ZNF600: variants seen among roughly 807,000 people sequenced by gnomAD.
ZNF600 encodes zinc finger protein KR-ZNF1.
In ZNF600, 4 loss-of-function variants were observed where a neutral mutation model predicts 7.3. The ratio of observed to expected loss-of-function variants is 0.55; its 90% confidence interval spans 0.27 to 1.25. ZNF600 has a LOEUF of 1.25. ZNF600 is among the 50% of genes most tolerant of loss of function. ZNF600 has a pLI of 0.12. For missense variants in ZNF600, 911 were observed against 922.1 expected, an observed-to-expected ratio of 0.99 and a Z score of 0.16; for synonymous variants, 290 against 308.9, an observed-to-expected ratio of 0.94 and a Z score of 0.64.
upstream of ZNF600, among the ~76,000 whole-genome samples, chr19:52,789,877 G>A (rs1225052595): frequency 6.6e-6 from 1 of 152,176 alleles, no homozygotes; most frequent in African/African-American, 2.4e-5. Context: ...GAGAGTCAGT[G>A]AAGGGAGATA....
chr19:52,778,626 A>G (rs2062695439), intron 2 of ZNF600, among the ~76,000 whole-genome samples, 200 bp downstream of exon 4: 1 of 152,104 alleles, frequency 6.6e-6, no homozygotes, highest in Non-Finnish European at 1.5e-5. Context: ...TGCCCAGTGG[A>G]GCTTCTTCCC....
At chr19:52,766,785 T>A in exon 4 of ZNF600, 2 of 1,614,142 alleles carry the variant, frequency 1.2e-6, no homozygotes, top group Non-Finnish European at 1.7e-6. Flanking sequence ...CTCTCCAGTA[T>A]GAATTCTCTT....
At chr19:52,787,122 C>T (rs578147023), upstream of ZNF600, among the ~76,000 whole-genome samples, 53 of 152,366 alleles carry the variant, frequency 3.5e-4, no homozygotes, top group East Asian at 7.7e-4. Context: ...TCTCCATTCA[C>T]TCAGGAGGGA....
chr19:52,781,011 TGAG>T (rs1422695416), intron 1 of ZNF600: 8 of 152,232 alleles, frequency 5.3e-5, no homozygotes, highest in African/African-American at 9.7e-5. Flanking sequence ...AGGAGACAGC[TGAG>T]GAGACAACTG....
At chr19:52,827,797 A>G in the ZNF600 span, among the ~76,000 whole-genome samples, 6 of 152,008 alleles carry the variant, frequency 3.9e-5, no homozygotes, top group Non-Finnish European at 7.4e-5. Context: ...CACCCGCCTC[A>G]GCCTCCCAAA....
the ZNF600 span, chr19:52,801,684 A>G: frequency 6.8e-6 from 11 of 1,611,454 alleles, no homozygotes; most frequent in Admixed American, 6.7e-5. Context: ...TGTCTTCATC[A>G]TGCATTTGGA....
the ZNF600 span, among the ~76,000 whole-genome samples, chr19:52,815,483 C>T: frequency 8.9e-5 from 13 of 145,358 alleles, 1 homozygote; most frequent in African/African-American, 3.2e-4. Context: ...TGCCATAATA[C>T]TCCAGTCTGG....
chr19:52,809,852 C>CA, the ZNF600 span: 1 of 614,560 alleles, frequency 1.6e-6, no homozygotes, highest in Admixed American at 3.0e-5. Flanking sequence ...GCGGTGGTGG[C>CA]AGTAGCACTG....
upstream of ZNF600, among the ~76,000 whole-genome samples, chr19:52,788,978 C>T (rs555805649): frequency 6.6e-6 from 1 of 152,168 alleles, no homozygotes; most frequent in Non-Finnish European, 1.5e-5. Flanking sequence ...CTCTGCTCTC[C>T]GCTTGGGGAC....
chr19:52,822,664 C>G, the ZNF600 span, among the ~76,000 whole-genome samples: 2 of 152,152 alleles, frequency 1.3e-5, no homozygotes, highest in African/African-American at 4.8e-5. Context: ...CTTGGTCGCA[C>G]ATAGTTCATC....
In ZNF600 at chr19:52,775,102, T is replaced by C. The variant is rs151172729; in HGVS notation, c.64-401A>G. 2.8e-4 allele frequency among the ~76,000 whole-genome samples: 43 copies of C among 152,188 alleles called. 2 individuals are homozygous for C. The East Asian group carries it at 6.8e-3, about 24-fold the overall frequency. ...TAAAAATATAAAAATTTGTCAGGCA[T>C]GGTGGCAGGCACCTGTAATCCCAGC... is the stretch of plus-strand genomic sequence containing the variant. On this transcript the variant is annotated intron_variant, in intron 2 of 3. Transcript: ENST00000648973.
chr19:52,770,500 C>T (rs746090589), intron 3 of ZNF600, among the ~76,000 whole-genome samples: 1 of 152,180 alleles, frequency 6.6e-6, no homozygotes, highest in Non-Finnish European at 1.5e-5. Context: ...GATGTCACAA[C>T]TACACTTATG....
chr19:52,773,126 G>T (rs370392128), intron 3 of ZNF600, among the ~76,000 whole-genome samples: 3,640 of 144,174 alleles, frequency 0.025, 84 homozygotes, highest in African/African-American at 0.09. Flanking sequence ...ATCATGTGAG[G>T]CAAGGCCAGG....
chr19:52,800,226 C>T, the ZNF600 span: 3 of 1,612,492 alleles, frequency 1.9e-6, no homozygotes, highest in South Asian at 2.2e-5. Context: ...TTTATGATGA[C>T]ATGCAAGGTT....
At chr19:52,800,014 C>T in the ZNF600 span, 1 of 1,614,200 alleles carries the variant, frequency 6.2e-7, no homozygotes, top group Non-Finnish European at 8.5e-7. Context: ...TTGCCACACT[C>T]ATTACACTTG....
chr19:52,798,023 G>A, the ZNF600 span: 1 of 152,808 alleles, frequency 6.5e-6, no homozygotes, highest in African/African-American at 2.4e-5. Context: ...TCAGGAGACT[G>A]AGGCAGGAGG....
intron 3 of ZNF600, among the ~76,000 whole-genome samples, chr19:52,772,199 T>C (rs1214271125): frequency 6.6e-6 from 1 of 151,988 alleles, no homozygotes; most frequent in Non-Finnish European, 1.5e-5. Context: ...TCCCAGCTAC[T>C]TGGGACCCTG....
the ZNF600 span, among the ~76,000 whole-genome samples, chr19:52,806,347 C>A: frequency 3.3e-5 from 5 of 151,980 alleles, no homozygotes; most frequent in African/African-American, 1.2e-4. Context: ...CCACCCACCA[C>A]GGCGCCTGGC....
At chr19:52,810,142 C>T in the ZNF600 span, 36 of 901,996 alleles carry the variant, frequency 4.0e-5, 1 homozygote, top group Admixed American at 1.8e-4. Context: ...GAGGGTGACC[C>T]GGGGCTGGAA....
Sources: allele counts gnomAD v4.1 joint callset (sites outside exome capture counted in the v4.1 genomes callset), GRCh38; gene constraint gnomAD v4.1.1; transcripts MANE v1.5; gene names NCBI Gene and HGNC (gene_info 2026-07-23, HGNC 2026-07-21).